QKI: variants seen among roughly 807,000 people sequenced by gnomAD.
QKI encodes the protein KH domain-containing RNA-binding protein QKI.
QKI carries 10 observed loss-of-function variants against 39.0 expected under a neutral mutation model. That is an observed-to-expected ratio of 0.26 (90% CI 0.16 to 0.43). The LOEUF (loss-of-function observed/expected upper bound fraction) is 0.43, where lower values mean the gene tolerates loss of function less well. Ranked by LOEUF, QKI falls within the 20% of genes least tolerant of loss-of-function variation. The pLI is 1.00. For synonymous variants in QKI, 204 were observed against 155.4 expected, an observed-to-expected ratio of 1.31 and a Z score of -2.33; for missense variants, 218 against 428.0, an observed-to-expected ratio of 0.51 and a Z score of 4.33.
At chr6:163,456,148 C>G (rs957964823) in intron 2 of QKI, among the ~76,000 whole-genome samples, 17 of 152,174 alleles carry the variant, frequency 1.1e-4, no homozygotes, top group Non-Finnish European at 2.2e-4. Flanking sequence ...CTGGCTGCTT[C>G]TTGTCATTAA....
chr6:163,461,335 C>T (rs538872043), intron 2 of QKI, among the ~76,000 whole-genome samples: 1 of 152,050 alleles, frequency 6.6e-6, no homozygotes, highest in Admixed American at 6.6e-5. Context: ...GATATTTTTC[C>T]AACGTTTAAC....
chr6:163,527,680 C>T (rs185092095), intron 3 of QKI, among the ~76,000 whole-genome samples: 2 of 152,190 alleles, frequency 1.3e-5, no homozygotes. Flanking sequence ...AAATCCAAAA[C>T]AAATACTTTG....
At chr6:163,536,951 A>G (rs1364062864) in intron 4 of QKI, among the ~76,000 whole-genome samples, 1 of 152,302 alleles carries the variant, frequency 6.6e-6, no homozygotes, top group Non-Finnish European at 1.5e-5. Flanking sequence ...ACTCATGCCT[A>G]TAATCCCAAC....
At chr6:163,480,419 T>A (rs1054735912) in intron 3 of QKI, among the ~76,000 whole-genome samples, 1 of 152,204 alleles carries the variant, frequency 6.6e-6, no homozygotes. Flanking sequence ...GGGTATCTGA[T>A]AAACTTGTTT....
intron 4 of QKI, among the ~76,000 whole-genome samples, chr6:163,550,617 C>T (rs751851567): frequency 3.3e-5 from 5 of 152,114 alleles, no homozygotes; most frequent in South Asian, 2.1e-4. Context: ...CTTAAATATA[C>T]GTACGAAATA....
chr6:163,455,549 G>T, intron 2 of QKI, 128 bp downstream of exon 2: 1 of 930,810 alleles, frequency 1.1e-6, no homozygotes, highest in South Asian at 1.8e-5. Context: ...ACTGAAGTGT[G>T]AATAATTTGG....
chr6:163,561,852 C>CT, intron 4 of QKI, 130 bp from the exon 5 acceptor site: 4 of 595,606 alleles, frequency 6.7e-6, no homozygotes, highest in Non-Finnish European at 8.2e-6. Context: ...GGTTCTTGAT[C>CT]TTTTTTTCCC....
intron 6 of QKI, chr6:163,564,903 C>G: frequency 7.3e-7 from 1 of 1,370,422 alleles, no homozygotes. Flanking sequence ...GTTTTTTTTC[C>G]CCAGCATTAA....
intron 4 of QKI, among the ~76,000 whole-genome samples, chr6:163,554,089 G>T (rs1008660675): frequency 2.6e-5 from 4 of 152,148 alleles, no homozygotes; most frequent in African/African-American, 9.7e-5. Context: ...CCCTGGCTTG[G>T]TGTCTCTCAG....
chr6:163,530,997 C>CTCTA (rs1331947235), intron 3 of QKI, among the ~76,000 whole-genome samples: 1 of 151,930 alleles, frequency 6.6e-6, no homozygotes, highest in East Asian at 1.9e-4. Flanking sequence ...TGGACTAGTC[C>CTCTA]TCTAATATTA....
chr6:163,451,637 C>T (rs1045586732), intron 1 of QKI, among the ~76,000 whole-genome samples: 4 of 152,092 alleles, frequency 2.6e-5, no homozygotes, highest in African/African-American at 9.7e-5. Flanking sequence ...GCCTGGGGTT[C>T]ATGTTGGGAG....
rs1562559993 is a variant in QKI, at chr6:163,571,949, C to T, written c.*1239C>T. 6.6e-6 allele frequency: 1 copy of T among 152,114 alleles called. No homozygotes were observed. The highest frequency in any genetic ancestry group is 1.5e-5 in the Non-Finnish European group (1 of 68,008). The allele number at this position is 152,114 out of a possible 1,614,324, so 9.4% of individuals were successfully genotyped here. A position where few individuals can be genotyped will look rare whatever the true frequency, so the allele number is the denominator to read the frequency against. On this transcript the variant is annotated 3_prime_UTR_variant, in exon 8 of 8. Coordinates refer to ENST00000361752, the MANE Select transcript of QKI (RefSeq NM_006775.3). ...AGAATACAAGTTAATGCATGTTACT[C>T]AGTCGCCCAGTATGTGAAAGAAGAT...
rs909553434 is a variant in QKI at position 163,576,160 on chromosome 6, A to G, written c.*5450A>G. The G allele has an allele frequency of 5.9e-5, 9 of 152,192 alleles. No individual in the cohort carries two copies. The highest frequency in any genetic ancestry group is 2.2e-4 in the African/African-American group (9 of 41,452). The allele number at this position is 152,192 out of a possible 1,614,324, so 9.4% of individuals were successfully genotyped here. ...AAATATGTGCTACACATCTAATTTT[A>G]TCTGTAGTTTAAGTGATCTAAATTG... On this transcript the variant is annotated 3_prime_UTR_variant, in exon 8 of 8. Coordinates refer to ENST00000361752, the MANE Select transcript of QKI (RefSeq NM_006775.3).
intron 4 of QKI, among the ~76,000 whole-genome samples, chr6:163,554,640 ATT>A (rs1782468848): frequency 6.6e-6 from 1 of 152,204 alleles, no homozygotes; most frequent in East Asian, 1.9e-4. Context: ...ATATTCCTCA[ATT>A]TTTATCTCAT....
In QKI at chr6:163,574,489, G is replaced by A. The variant is rs1002837346; in HGVS notation, c.*3779G>A. 1 of 152,132 alleles carries A rather than the reference G, an allele frequency of 6.6e-6. No homozygotes were observed. The highest frequency in any genetic ancestry group is 1.5e-5 in the Non-Finnish European group (1 of 68,018). The allele number at this position is 152,132 out of a possible 1,614,324, so 9.4% of individuals were successfully genotyped here. A position where few individuals can be genotyped will look rare whatever the true frequency, so the allele number is the denominator to read the frequency against. On this transcript the variant is annotated 3_prime_UTR_variant, in exon 8 of 8. Coordinates refer to ENST00000361752, the MANE Select transcript of QKI (RefSeq NM_006775.3). The stretch of plus-strand genomic sequence containing the variant: ...AAAAGAACCCTCAGCACGTTACTGA[G>A]CTTTCCTCAGGTATTTTTTTCTCTG...
At position 163,439,423 on chromosome 6, in the gene QKI, A is replaced by G. The variant is rs189201248; in HGVS notation, c.143-15856A>G. 4.4e-4 allele frequency among the ~76,000 whole-genome samples: 64 copies of G among 146,060 alleles called. No homozygotes were observed. The East Asian group carries it at 6.9e-3, about 16-fold the overall frequency. On this transcript the variant is annotated intron_variant, in intron 1 of 7. Transcript: ENST00000361752. Reference sequence around the variant, plus strand: ...ATTGCAGTGGCACGATCTCGGCTCAATGCACCCTCCGCCTCCTGGTTTCAA... The same window carrying G: ...ATTGCAGTGGCACGATCTCGGCTCAGTGCACCCTCCGCCTCCTGGTTTCAA...
At chr6:163,567,765 T>C in intron 7 of QKI, 2 of 985,172 alleles carry the variant, frequency 2.0e-6, no homozygotes, top group Non-Finnish European at 2.4e-6. Flanking sequence ...GGCACATTTG[T>C]TTCCTACAAA....
At chr6:163,559,052 C>T (rs1336169183) in intron 4 of QKI, among the ~76,000 whole-genome samples, 2 of 152,240 alleles carry the variant, frequency 1.3e-5, no homozygotes, top group Non-Finnish European at 2.9e-5. Flanking sequence ...GGTAATCACA[C>T]ACATTTCTTC....
intron 6 of QKI, chr6:163,564,279 C>A: frequency 1.0e-6 from 1 of 1,003,822 alleles, no homozygotes; most frequent in Non-Finnish European, 1.2e-6. Context: ...GCAGTTTCAT[C>A]ATTTGGTGTA....
Sources: allele counts gnomAD v4.1 joint callset (sites outside exome capture counted in the v4.1 genomes callset), GRCh38; gene constraint gnomAD v4.1.1; transcripts MANE v1.5; gene names NCBI Gene and HGNC (gene_info 2026-07-23, HGNC 2026-07-21).